The following THADA variants were observed in gnomAD, a reference collection of about 807,000 sequenced individuals.
The protein encoded by THADA is tRNA (32-2'-O)-methyltransferase regulator THADA.
In THADA, 213 loss-of-function variants were observed where a neutral mutation model predicts 219.8. The ratio of observed to expected loss-of-function variants is 0.97; its 90% CI spans 0.87 to 1.09. THADA has a LOEUF of 1.09. Ranked by LOEUF, THADA falls within the 50% of genes least tolerant of loss-of-function variation. THADA has a pLI of 0.00. For missense variants in THADA, 2,956 were observed against 2,311.3 expected (o/e 1.28, Z -5.72); for synonymous variants, 1,018 against 828.9 (o/e 1.23, Z -3.92).
At chr2:43,426,550 G>A (rs1292800801) in intron 28 of THADA, among the ~76,000 whole-genome samples, 1 of 152,160 alleles carries the variant, frequency 6.6e-6, no homozygotes, top group African/African-American at 2.4e-5. Flanking sequence ...AATGCCAGAT[G>A]AAGGAGACTG....
intron 29 of THADA, among the ~76,000 whole-genome samples, chr2:43,359,346 A>C (rs1669230371): frequency 6.6e-6 from 1 of 152,214 alleles, no homozygotes; most frequent in Admixed American, 6.5e-5. Context: ...CTGTGATATC[A>C]GTCCTTATGA....
At chr2:43,508,306 T>TA (rs1027864731) in intron 23 of THADA, among the ~76,000 whole-genome samples, 2 of 151,464 alleles carry the variant, frequency 1.3e-5, no homozygotes, top group East Asian at 1.9e-4. Flanking sequence ...AGACTATTTT[T>TA]AAAAAAAAAT....
At chr2:43,343,865 A>T (rs1360087219) in intron 30 of THADA, 7 of 362,100 alleles carry the variant, frequency 1.9e-5, no homozygotes, top group Non-Finnish European at 3.1e-5. Context: ...AGCAGGTTTC[A>T]ACAAAAACAA....
intron 21 of THADA, among the ~76,000 whole-genome samples, chr2:43,537,388 G>C (rs996187506): frequency 2.0e-5 from 3 of 152,108 alleles, no homozygotes; most frequent in Non-Finnish European, 2.9e-5. Context: ...CGATATCCTT[G>C]TAGTAAGGCA....
rs569668243 is a variant in THADA, at chr2:43,394,448, T to C, written c.4227+3523A>G. Among the ~76,000 whole-genome samples, 122 of 152,338 alleles carry C rather than the reference T, an allele frequency of 8.0e-4. 2 individuals are homozygous for C. Among genetic ancestry groups the C allele is most frequent in the African/African-American group, 2.8e-3 (118 of 41,588 alleles). The stretch of plus-strand genomic sequence containing the variant: ...TCAAGAAAATGTTCTGTGAAAGAAT[T>C]TGTTTTCTGATTATGAAATGATTTC... On this transcript the variant is annotated intron_variant, in intron 29 of 37. Coordinates refer to ENST00000405975, the MANE Select transcript of THADA (RefSeq NM_022065.5).
intron 22 of THADA, among the ~76,000 whole-genome samples, chr2:43,515,084 A>ATATAT: frequency 1.3e-4 from 1 of 7,772 alleles, no homozygotes; most frequent in African/African-American, 4.8e-4. Context: ...TAATATATAT[A>ATATAT]AATATATATA....
chr2:43,458,299 C>A (rs1465288322), intron 26 of THADA, among the ~76,000 whole-genome samples: 1 of 152,082 alleles, frequency 6.6e-6, no homozygotes, highest in Admixed American at 6.6e-5. Flanking sequence ...TCCTTTCTTC[C>A]CTGAAATGTG....
At chr2:43,334,529 T>C (rs971413237) in intron 30 of THADA, among the ~76,000 whole-genome samples, 6 of 152,190 alleles carry the variant, frequency 3.9e-5, no homozygotes, top group African/African-American at 1.4e-4. Context: ...CCTGGTCTTG[T>C]ATTTCTGAGA....
chr2:43,485,471 T>TA (rs888232579), intron 25 of THADA, 146 bp from the exon 26 acceptor site: 8,774 of 532,932 alleles, frequency 0.016, 1 homozygote, highest in South Asian at 0.023. Flanking sequence ...TAAAATAATT[T>TA]AAAAAAAAAA....
chr2:43,248,148 TATATATATATATATATAGAG>T (rs1259314767), intron 36 of THADA, among the ~76,000 whole-genome samples: 13 of 92,216 alleles, frequency 1.4e-4, no homozygotes, highest in African/African-American at 4.2e-4. Context: ...TATATATATA[TATATATATATATATATAGAG>T]AGAGAGAGAG....
intron 26 of THADA, among the ~76,000 whole-genome samples, chr2:43,460,102 G>T (rs1683448438): frequency 6.6e-6 from 1 of 152,028 alleles, no homozygotes; most frequent in African/African-American, 2.4e-5. Context: ...CAAGGACCTT[G>T]TCAGATCACT....
intron 35 of THADA, among the ~76,000 whole-genome samples, chr2:43,281,440 C>CTT (rs35111198): frequency 4.7e-5 from 5 of 106,836 alleles, no homozygotes; most frequent in Non-Finnish European, 5.8e-5. Context: ...TCATGTACTT[C>CTT]TTTTTTTTTT....
chr2:43,584,594 A>C (rs1700812229), intron 7 of THADA, among the ~76,000 whole-genome samples: 1 of 152,222 alleles, frequency 6.6e-6, no homozygotes, highest in Admixed American at 6.5e-5. Flanking sequence ...AAAACGTAAA[A>C]AGATAAATTC....
At chr2:43,378,748 G>C (rs1186069095) in intron 29 of THADA, among the ~76,000 whole-genome samples, 3 of 152,166 alleles carry the variant, frequency 2.0e-5, no homozygotes, top group Non-Finnish European at 4.4e-5. Flanking sequence ...TGGGATTACA[G>C]GCACCCAACA....
chr2:43,312,755 T>C (rs995425308), intron 31 of THADA, among the ~76,000 whole-genome samples: 2 of 149,312 alleles, frequency 1.3e-5, no homozygotes, highest in Non-Finnish European at 3.0e-5. Context: ...TAAAATTTCA[T>C]AGCTATAGGC....
At chr2:43,291,948 T>C in intron 33 of THADA, 156 bp downstream of exon 33, 2 of 753,684 alleles carry the variant, frequency 2.7e-6, no homozygotes, top group East Asian at 2.8e-5. Flanking sequence ...ATCACTGACA[T>C]CATTCTATTG....
intron 16 of THADA, among the ~76,000 whole-genome samples, chr2:43,558,246 T>C (rs1697627250): frequency 6.6e-6 from 1 of 152,188 alleles, no homozygotes; most frequent in Non-Finnish European, 1.5e-5. Flanking sequence ...CAACAATACG[T>C]ATGTACACGT....
At chr2:43,592,446 T>C (rs1159357110) in intron 1 of THADA, 30 bp from the exon 2 acceptor site, 2 of 1,333,750 alleles carry the variant, frequency 1.5e-6, no homozygotes, top group Non-Finnish European at 2.1e-6. Context: ...AAGGCATTAA[T>C]GTAAGGTTTC....
chr2:43,502,563 C>T (rs1226838874), intron 24 of THADA, among the ~76,000 whole-genome samples: 17 of 143,976 alleles, frequency 1.2e-4, no homozygotes, highest in Non-Finnish European at 1.5e-5. Context: ...CCAGCCTAGG[C>T]CACAGAGTGA....
Sources: gnomAD v4.1 joint callset for allele counts (sites outside exome capture counted in the v4.1 genomes callset) on GRCh38, gnomAD v4.1.1 for gene constraint, MANE v1.5 for transcripts, NCBI Gene and HGNC (gene_info 2026-07-23, HGNC 2026-07-21) for gene names.